Variants in ARHGEF10 observed in about 807,000 individuals in gnomAD.
The protein encoded by ARHGEF10 is Rho guanine nucleotide exchange factor (GEF) 10.
In ARHGEF10, 140 loss-of-function variants were observed where a neutral mutation model predicts 147.4. The ratio of observed to expected loss-of-function variants is 0.95; its 90% CI spans 0.83 to 1.09. The LOEUF (loss-of-function observed/expected upper bound fraction) is 1.09, where lower values mean the gene tolerates loss of function less well. Ranked by LOEUF, ARHGEF10 falls within the 50% of genes least tolerant of loss-of-function variation. The probability of loss-of-function intolerance (pLI) is 0.00; values close to 1 mark genes in which losing one functional copy is unlikely to be tolerated. For missense variants in ARHGEF10, 2,222 were observed against 1,752.7 expected, an observed-to-expected ratio of 1.27 and a Z score of -4.78; for synonymous variants, 902 against 695.8, an observed-to-expected ratio of 1.30 and a Z score of -4.67.
chr8:1,923,201 G>T lies in ARHGEF10; in HGVS notation c.2259+122G>T, dbSNP rs1812430194. On this transcript the variant is annotated intron_variant, in intron 19 of 28. Transcript: ENST00000349830. ...TCATTTTGACTTTAAAAATTAATCTGAATGTACATTTTCTCTTACGTTAGA... is the reference window on the plus strand; with the variant it reads ...TCATTTTGACTTTAAAAATTAATCTTAATGTACATTTTCTCTTACGTTAGA... 10 of 914,994 alleles carry T rather than the reference G, an allele frequency of 1.1e-5. No homozygotes were observed. The South Asian group carries it at 1.5e-4, about 14-fold the overall frequency. 56.7% of individuals were successfully genotyped at this position (914,994 alleles called of 1,614,324 possible).
At chr8:1,952,683 C>G in intron 27 of ARHGEF10, 22 bp from the exon 28 acceptor site, 1 of 1,613,086 alleles carries the variant, frequency 6.2e-7, no homozygotes, top group South Asian at 1.1e-5. Context: ...AGACCCGAAG[C>G]CACTCATGTC....
At position 1,883,589 on chromosome 8, in the gene ARHGEF10, T is replaced by G. The variant is rs182670170; in HGVS notation, c.1075+840T>G. Among the ~76,000 whole-genome samples, 330 of 152,274 alleles carry G rather than the reference T, an allele frequency of 2.2e-3. 1 individual carries two copies. The highest frequency in any genetic ancestry group is 7.8e-3 in the African/African-American group (325 of 41,552). On this transcript the variant is annotated intron_variant, in intron 10 of 28. Coordinates refer to ENST00000349830, the MANE Select transcript of ARHGEF10 (RefSeq NM_014629.4). ...TGTAACTCAGGAGGCCTTTTCCTCT[T>G]TCAGTCCTAATGAAGCCCTCGGCAT...
intron 17 of ARHGEF10, among the ~76,000 whole-genome samples, chr8:1,907,373 T>C (rs1301650840): frequency 1.3e-5 from 2 of 152,270 alleles, no homozygotes; most frequent in African/African-American, 4.8e-5. Flanking sequence ...ACACGATGTG[T>C]CAAGTTGGGG....
chr8:1,912,512 A>G (rs897288432), intron 18 of ARHGEF10, among the ~76,000 whole-genome samples: 1 of 151,530 alleles, frequency 6.6e-6, no homozygotes, highest in African/African-American at 2.4e-5. Flanking sequence ...CCATCCCTGC[A>G]AAAGCACCGT....
intron 25 of ARHGEF10, among the ~76,000 whole-genome samples, chr8:1,932,486 C>A (rs1299596269): frequency 6.6e-6 from 1 of 151,184 alleles, no homozygotes; most frequent in Non-Finnish European, 1.5e-5. Context: ...GACATGTGCA[C>A]GTGTGTGTGT....
Position 1,945,476 on chromosome 8 carries a change from C to T in ARHGEF10, c.3223-5C>T. The stretch of plus-strand genomic sequence containing the variant: ...GCTAGCAGACTTGACCTCTCGATTT[C>T]ACAGGGTCAGCTGGAGGCCCACCAG... On this transcript the variant is annotated splice_region_variant and splice_polypyrimidine_tract_variant and intron_variant, in intron 26 of 28. Coordinates refer to ENST00000349830, the MANE Select transcript of ARHGEF10 (RefSeq NM_014629.4). 1.3e-6 allele frequency: 2 copies of T among 1,589,934 alleles called. No homozygotes were observed. The highest frequency in any genetic ancestry group is 1.7e-6 in the Non-Finnish European group (2 of 1,168,088).
chr8:1,917,201 A>T (rs73671051), intron 18 of ARHGEF10, among the ~76,000 whole-genome samples: 1,681 of 152,322 alleles, frequency 0.011, 42 homozygotes, highest in African/African-American at 0.039. Flanking sequence ...TAGACTCCTG[A>T]TGCATGTTTG....
At chr8:1,946,740 A>C (rs1247737407) in intron 27 of ARHGEF10, among the ~76,000 whole-genome samples, 1 of 152,152 alleles carries the variant, frequency 6.6e-6, no homozygotes, top group East Asian at 1.9e-4. Flanking sequence ...CACAATGATT[A>C]GGGGTCTGGT....
At position 1,952,785 on chromosome 8, in the gene ARHGEF10, G is replaced by A. The variant is rs1485839182; in HGVS notation, c.3478G>A (p.Ala1160Thr). 2 of 1,613,600 alleles carry A rather than the reference G, an allele frequency of 1.2e-6. No individual in the cohort carries two copies. Among genetic ancestry groups the A allele is most frequent in the Non-Finnish European group, 8.5e-7 (1 of 1,180,052 alleles). The change falls in exon 28 of 29, where the codon GCC (alanine) becomes ACC (threonine). Residue 1160 changes from alanine to threonine, a missense_variant. Transcript: ENST00000349830. ...MVGTSLGVLV[A>T]LPVPRLQGIP... ...CGGCACCAGCCTGGGAGTCCTCGTG[G>A]CCCTGCCGGTCCCACGTCTGCAAGG...
rs557872184 is a variant in ARHGEF10, at chr8:1,853,089, G to A, written c.38-4871G>A. On this transcript the variant is annotated intron_variant, in intron 2 of 28. Coordinates refer to ENST00000349830, the MANE Select transcript of ARHGEF10 (RefSeq NM_014629.4). The stretch of plus-strand genomic sequence containing the variant: ...GGTTAGATTTGGGCCGGGCACTGGC[G>A]GGTGGTTAGATTTGGGCTGGATGCC... Among the ~76,000 whole-genome samples, 735 of 152,240 alleles carry A rather than the reference G, an allele frequency of 4.8e-3. 3 individuals are homozygous for A. The highest frequency in any genetic ancestry group is 0.017 in the African/African-American group (689 of 41,502).
Position 1,926,384 on chromosome 8 carries a change from G to T in ARHGEF10, c.2618G>T (p.Cys873Phe). ...VAKQQEFKIE[C>F]AAYNPEPYLN... is the part of the protein sequence containing the mutation. Reference sequence around the variant, plus strand: ...GATTTTATTCCATTTTAGATTGAATGTGCTGCTTATAACCCTGAACCTTAC... The same window carrying T: ...GATTTTATTCCATTTTAGATTGAATTTGCTGCTTATAACCCTGAACCTTAC... The change falls in exon 23 of 29, where the codon TGT becomes TTT. Residue 873 changes from cysteine to phenylalanine, a missense_variant. Cys to Phe is a radical substitution (Grantham distance 205). Coordinates refer to ENST00000349830, the MANE Select transcript of ARHGEF10 (RefSeq NM_014629.4). 6.2e-7 allele frequency: 1 copy of T among 1,613,736 alleles called. No homozygotes were observed. Among genetic ancestry groups the T allele is most frequent in the African/African-American group, 1.3e-5 (1 of 75,048 alleles).
intron 14 of ARHGEF10, among the ~76,000 whole-genome samples, chr8:1,896,685 AATCAGATCCCCAAAAAAGAAGTCAAG>A (rs1411900418): frequency 6.6e-6 from 1 of 152,234 alleles, no homozygotes; most frequent in Non-Finnish European, 1.5e-5. Context: ...AGAAAGTTAA[AATCAGATCCCCAAAAAAGAAGTCAAG>A]ATCAGATCCC....
chr8:1,897,453 G>A (rs535088016), intron 14 of ARHGEF10, among the ~76,000 whole-genome samples: 11 of 149,884 alleles, frequency 7.3e-5, no homozygotes, highest in Non-Finnish European at 1.3e-4. Context: ...TCCCACTCTC[G>A]ACAGTTGTGG....
chr8:1,934,079 A>T, intron 26 of ARHGEF10, 137 bp downstream of exon 26: 1 of 1,183,464 alleles, frequency 8.4e-7, no homozygotes, highest in Non-Finnish European at 1.2e-6. Context: ...TCATGCCTGT[A>T]ATGCCAACAC....
chr8:1,878,551 C>G (rs1224348148), intron 8 of ARHGEF10, among the ~76,000 whole-genome samples: 1 of 152,172 alleles, frequency 6.6e-6, no homozygotes, highest in Non-Finnish European at 1.5e-5. Flanking sequence ...GAGTCAGACA[C>G]TTGATTTAAA....
At chr8:1,881,444 G>A (rs979493355) in intron 9 of ARHGEF10, among the ~76,000 whole-genome samples, 3 of 152,360 alleles carry the variant, frequency 2.0e-5, no homozygotes, top group Admixed American at 2.0e-4. Flanking sequence ...ACGGAAACGC[G>A]CAGGCGGGCA....
At chr8:1,899,942 G>C (rs1201663843) in intron 15 of ARHGEF10, among the ~76,000 whole-genome samples, 1 of 152,162 alleles carries the variant, frequency 6.6e-6, no homozygotes, top group African/African-American at 2.4e-5. Context: ...CATACGGGCG[G>C]GTGAACCAGC....
chr8:1,857,654 G>A (rs1438139249), intron 2 of ARHGEF10, among the ~76,000 whole-genome samples: 2 of 151,886 alleles, frequency 1.3e-5, no homozygotes, highest in African/African-American at 4.8e-5. Flanking sequence ...TTCTTACCTT[G>A]TGATCTGCCC....
intron 7 of ARHGEF10, among the ~76,000 whole-genome samples, chr8:1,872,968 A>G (rs1807254582): frequency 6.7e-6 from 1 of 149,540 alleles, no homozygotes. Context: ...TTTGAAATGC[A>G]TTTTGGGGTA....
Sources: gnomAD v4.1 joint callset for allele counts (sites outside exome capture counted in the v4.1 genomes callset) on GRCh38, gnomAD v4.1.1 for gene constraint, MANE v1.5 for transcripts, NCBI Gene and HGNC (gene_info 2026-07-23, HGNC 2026-07-21) for gene names.